CYLC1: variants seen among roughly 807,000 people sequenced by gnomAD.
CYLC1 encodes cylicin 1, also known as cylicin-1.
In CYLC1, 2 loss-of-function variants were observed where a neutral mutation model predicts 31.6. That is an observed-to-expected ratio of 0.06 (90% CI 0.03 to 0.20). The LOEUF (loss-of-function observed/expected upper bound fraction) is 0.20. Ranked by LOEUF, CYLC1 falls within the 10% of genes least tolerant of loss-of-function variation. The pLI, the probability that CYLC1 is intolerant of heterozygous loss-of-function variation, is 1.00. For synonymous variants in CYLC1, 185 were observed against 153.0 expected, an observed-to-expected ratio of 1.21 and a Z score of -1.54; for missense variants, 595 against 424.1, an observed-to-expected ratio of 1.40 and a Z score of -3.54.
chrX:83,873,459 G>A lies in CYLC1; in HGVS notation c.751G>A (p.Val251Met). Residue 251 changes from valine to methionine, a missense_variant, in exon 4 of 5, where the codon GTG (valine) becomes ATG (methionine). Physicochemically the swap from Val to Met is conservative, Grantham distance 21 (BLOSUM62 1). Transcript: ENST00000329312. ...NSLNVDFLMLVGQSDDESINF... is the reference protein window; with the variant it reads ...NSLNVDFLMLMGQSDDESINF... Reference sequence around the variant, plus strand: ...TTTAAATGTTGATTTCCTCATGTTAGTGGGACAGTCTGATGATGAATCCAT... The same window carrying A: ...TTTAAATGTTGATTTCCTCATGTTAATGGGACAGTCTGATGATGAATCCAT... The A allele has an allele frequency of 8.3e-7, 1 of 1,199,006 alleles. No homozygotes were observed. The highest frequency in any genetic ancestry group is 1.7e-5 in the African/African-American group (1 of 57,243).
chrX:83,864,701 T>A (rs2031568447), intron 1 of CYLC1: 3 of 319,891 alleles, frequency 9.4e-6, no homozygotes. Context: ...GTTTCTTTTC[T>A]CTCCCAAACT....
Position 83,874,149 on chromosome X carries a change from G to T in CYLC1, c.1441G>T (p.Ala481Ser), listed in dbSNP as rs978481960. 4 of 1,200,541 alleles carry T rather than the reference G, an allele frequency of 3.3e-6. No individual in the cohort carries two copies. In the African/African-American group the frequency reaches 7.1e-5, roughly 21 times the overall value. The change falls in exon 4 of 5, where the codon GCA becomes TCA. Residue 481 changes from alanine to serine, a missense_variant. Coordinates refer to ENST00000329312, the MANE Select transcript of CYLC1 (RefSeq NM_021118.3). Reference sequence around the variant, plus strand: ...CAAAAAGAAGGATGCAAAGAAAAATGCAGAATCTACTGAAATGGAATCTGA... The same window carrying T: ...CAAAAAGAAGGATGCAAAGAAAAATTCAGAATCTACTGAAATGGAATCTGA... ...DDKKKDAKKN[A>S]ESTEMESDLE...
chrX:83,884,056 A>T (rs752190147), intron 4 of CYLC1, among the ~76,000 whole-genome samples: 37 of 111,587 alleles, frequency 3.3e-4, no homozygotes, highest in African/African-American at 1.2e-3. Flanking sequence ...ATATTATAGC[A>T]TGATGCCTAA....
At position 83,873,979 on chromosome X, in the gene CYLC1, A is replaced by G. The variant is rs2031718529; in HGVS notation, c.1271A>G (p.Lys424Arg). ...AAGGAGAGTCAGAAAGATGAAAAAA[A>G]GGATAAAAAAGATTCAAAGACAGAT... ...ESKESQKDEK[K>R]DKKDSKTDNK... Residue 424 changes from lysine to arginine, a missense_variant, in exon 4 of 5, where the codon AAG becomes AGG. By Grantham distance (26) the Lys-to-Arg change is conservative. Coordinates refer to ENST00000329312, the MANE Select transcript of CYLC1 (RefSeq NM_021118.3). The G allele has an allele frequency of 1.7e-6, 2 of 1,177,442 alleles. No individual in the cohort carries two copies. The highest frequency in any genetic ancestry group is 3.1e-5 in the East Asian group (1 of 32,786).
In CYLC1 at chrX:83,874,694, T is replaced by C. The variant is rs2031735277; in HGVS notation, c.1923+63T>C. The C allele has an allele frequency of 6.7e-5, 70 of 1,040,609 alleles. No homozygotes were observed. The South Asian group carries it at 1.7e-3, about 25-fold the overall frequency. 85.8% of individuals were successfully genotyped at this position (1,040,609 alleles called of 1,213,427 possible). A position where few individuals can be genotyped will look rare whatever the true frequency, so the allele number is the denominator to read the frequency against. On this transcript the variant is annotated intron_variant, in intron 4 of 4. Transcript: ENST00000329312. ...ATATAAAATGAAAGACTTTTTAAAG[T>C]TTGAATTTATGTTTTCTCCAAATAA...
At chrX:83,883,076 T>A in intron 4 of CYLC1, among the ~76,000 whole-genome samples, 1 of 111,484 alleles carries the variant, frequency 9.0e-6, no homozygotes. Context: ...TTACTACTAT[T>A]ACTGCCTTAT....
At chrX:83,876,143 AT>A (rs1176711038) in intron 4 of CYLC1, among the ~76,000 whole-genome samples, 2 of 110,584 alleles carry the variant, frequency 1.8e-5, no homozygotes, top group Non-Finnish European at 3.8e-5. Context: ...ATATATTAAT[AT>A]TTTTTGGAAG....
At position 83,874,541 on chromosome X, in the gene CYLC1, T is replaced by G; in HGVS notation, c.1833T>G (p.Ala611=). ...CAAGAGAAAAACCACCACTCCCTGC[T>G]TGTGAGCCTTCTCTACCATCACCAA... The part of the protein sequence containing the change: ...PPSREKPPLP[A]CEPSLPSPKV... Residue 611 remains alanine (A), a synonymous_variant, in exon 4 of 5, where the codon GCT becomes GCG. Transcript: ENST00000329312. 8.3e-7 allele frequency: 1 copy of G among 1,210,354 alleles called. No individual in the cohort carries two copies. The highest frequency in any genetic ancestry group is 1.1e-6 in the Non-Finnish European group (1 of 894,827).
At chrX:83,872,400 A>T (rs2031678157) in intron 3 of CYLC1, among the ~76,000 whole-genome samples, 2 of 110,398 alleles carry the variant, frequency 1.8e-5, no homozygotes, top group African/African-American at 6.6e-5. Context: ...TCAATTTGAC[A>T]AGACACTTTA....
intron 1 of CYLC1, among the ~76,000 whole-genome samples, chrX:83,866,729 A>G (rs1427425756): frequency 9.5e-6 from 1 of 105,583 alleles, no homozygotes; most frequent in Admixed American, 1.0e-4. Context: ...CATAAGTCAC[A>G]TGCTTTATCT....
At position 83,874,382 on chromosome X, in the gene CYLC1, T is replaced by G. The variant is rs764368043; in HGVS notation, c.1674T>G (p.Ile558Met). The change falls in exon 4 of 5, where the codon ATT becomes ATG. Residue 558 changes from isoleucine (I) to methionine (M), a missense_variant. Coordinates refer to ENST00000329312, the MANE Select transcript of CYLC1 (RefSeq NM_021118.3). ...SLYKPGAKKK[I>M]DESDGTSANS... ...ATAAACCTGGGGCTAAGAAGAAAATTGATGAATCAGATGGCACATCTGCAA... is the reference window on the plus strand; with the variant it reads ...ATAAACCTGGGGCTAAGAAGAAAATGGATGAATCAGATGGCACATCTGCAA... 4 of 1,210,053 alleles carry G rather than the reference T, an allele frequency of 3.3e-6. No individual in the cohort carries two copies. The Admixed American group carries it at 8.7e-5, about 26-fold the overall frequency.
intron 1 of CYLC1, among the ~76,000 whole-genome samples, chrX:83,869,240 G>T (rs2031631472): frequency 1.8e-5 from 2 of 110,505 alleles, no homozygotes; most frequent in Admixed American, 9.7e-5. Context: ...TAAAGCTCAG[G>T]AGTACATGTG....
intron 3 of CYLC1, among the ~76,000 whole-genome samples, 195 bp from the exon 4 acceptor site, chrX:83,872,691 G>T (rs1179874267): frequency 1.1e-5 from 1 of 94,883 alleles, no homozygotes; most frequent in East Asian, 3.4e-4. Context: ...CCAAAGTGGA[G>T]TTATATGTCT....
intron 4 of CYLC1, among the ~76,000 whole-genome samples, chrX:83,877,635 C>G (rs979581757): frequency 3.7e-5 from 4 of 107,090 alleles, no homozygotes; most frequent in African/African-American, 1.0e-4. Flanking sequence ...CATGTCTATT[C>G]CTTTTCATTA....
chrX:83,879,480 G>A (rs1452275577), intron 4 of CYLC1, among the ~76,000 whole-genome samples: 5 of 111,917 alleles, frequency 4.5e-5, no homozygotes, highest in African/African-American at 1.6e-4. Flanking sequence ...TAAGTCGTTA[G>A]ACATACATCT....
At chrX:83,872,377 G>C (rs1462661110) in intron 3 of CYLC1, among the ~76,000 whole-genome samples, 5 of 109,941 alleles carry the variant, frequency 4.5e-5, no homozygotes, top group African/African-American at 1.6e-4. Context: ...AGTGCAGTTG[G>C]GGTCACAGAC....
chrX:83,880,936 C>G (rs2031899017), intron 4 of CYLC1, among the ~76,000 whole-genome samples: 1 of 111,764 alleles, frequency 8.9e-6, no homozygotes, highest in South Asian at 3.7e-4. Flanking sequence ...ATTTCATTTT[C>G]CAGGAGGAAT....
Position 83,872,929 on chromosome X carries a change from A to G in CYLC1, c.221A>G (p.His74Arg). ...RKLEEGQKPA[H>R]KWIRHSFRKI... ...CTAGAAGAAGGCCAGAAACCAGCTCATAAATGGATAAGGCATTCTTTCAGA... is the reference window on the plus strand; with the variant it reads ...CTAGAAGAAGGCCAGAAACCAGCTCGTAAATGGATAAGGCATTCTTTCAGA... Residue 74 changes from histidine (H) to arginine (R), a missense_variant, in exon 4 of 5, where the codon CAT becomes CGT. Transcript: ENST00000329312. 8.4e-7 allele frequency: 1 copy of G among 1,190,969 alleles called. No individual in the cohort carries two copies. The highest frequency in any genetic ancestry group is 1.1e-6 in the Non-Finnish European group (1 of 888,137).
At chrX:83,886,096 G>C (rs2031979580) in intron 4 of CYLC1, among the ~76,000 whole-genome samples, 1 of 111,451 alleles carries the variant, frequency 9.0e-6, no homozygotes, top group South Asian at 3.7e-4. Flanking sequence ...AAATAATTGT[G>C]TTAGTGTGGT....
Sources: allele counts gnomAD v4.1 joint callset (sites outside exome capture counted in the v4.1 genomes callset), GRCh38; gene constraint gnomAD v4.1.1; transcripts MANE v1.5; gene names NCBI Gene and HGNC (gene_info 2026-07-23, HGNC 2026-07-21).